The following ZMYM6 variants were observed in gnomAD, a reference collection of about 807,000 sequenced individuals.
ZMYM6 encodes the protein zinc finger MYM-type containing 6, also known as zinc finger MYM-type protein 6.
Under a neutral mutation model 134.0 loss-of-function variants are expected in ZMYM6, and 90 were observed. That is an observed-to-expected ratio of 0.67 (90% CI 0.57 to 0.80). The LOEUF is 0.80. ZMYM6 is among the 30% of genes least tolerant of loss of function. The pLI, the probability that ZMYM6 is intolerant of heterozygous loss-of-function variation, is 0.00. For synonymous variants in ZMYM6, 481 were observed against 524.1 expected (o/e 0.92, Z 1.12); for missense variants, 1,362 against 1,533.9 (o/e 0.89, Z 1.87).
chr1:34,988,372 C>G lies in ZMYM6; in HGVS notation c.2710G>C (p.Glu904Gln). The change falls in exon 16 of 16, where the codon GAG becomes CAG. Residue 904 changes from glutamate (E) to glutamine (Q), a missense_variant. By Grantham distance (29) the Glu-to-Gln change is conservative (BLOSUM62 2). Coordinates refer to ENST00000357182, the MANE Select transcript of ZMYM6 (RefSeq NM_007167.4). The stretch of plus-strand genomic sequence containing the variant: ...ATCTGAAGGGCAAACCACTTTGACT[C>G]TCTGACCTTTTGAATCAGCTGGTCT... ...IEDQLIQKVR[E>Q]SKWFALQIDE... is the part of the protein sequence containing the mutation. The G allele has an allele frequency of 6.4e-7, 1 of 1,551,648 alleles. No individual in the cohort carries two copies. Among genetic ancestry groups the G allele is most frequent in the Non-Finnish European group, 8.7e-7 (1 of 1,146,958 alleles).
chr1:34,988,840 A>T lies in ZMYM6; in HGVS notation c.2242T>A (p.Tyr748Asn). ...CAGATAATAAAACCAACTTTTAAAT[A>T]TTCTGTATCATAAGTCTGGAAAAAA... ...LGFFQTYDTE[Y>N]LKVGFIICPG... The change falls in exon 16 of 16, where the codon TAT becomes AAT. Residue 748 changes from tyrosine (Y) to asparagine (N), a missense_variant. Tyr to Asn is a moderately radical substitution (Grantham distance 143). This residue lies in a region of ZMYM6 where 824 missense variants were observed against 940.9 expected (regional missense o/e 0.88). Coordinates refer to ENST00000357182, the MANE Select transcript of ZMYM6 (RefSeq NM_007167.4). 1 of 1,586,202 alleles carries T rather than the reference A, an allele frequency of 6.3e-7. No individual in the cohort carries two copies. The highest frequency in any genetic ancestry group is 8.6e-7 in the Non-Finnish European group (1 of 1,163,676).
rs754307847 is a variant in ZMYM6 at position 35,019,604 on chromosome 1, T to A, written c.179-2A>T. The A allele has an allele frequency of 2.5e-6, 4 of 1,578,868 alleles. No individual in the cohort carries two copies. Among genetic ancestry groups the A allele is most frequent in the Non-Finnish European group, 3.4e-6 (4 of 1,169,886 alleles). ...GAAAGCCTGGGTTCAACTGCTGGGC[T>A]ATCAAAACAAAATAAAAAAAGTTTT... On this transcript the variant is annotated splice_acceptor_variant, in intron 3 of 15. Coordinates refer to ENST00000357182, the MANE Select transcript of ZMYM6 (RefSeq NM_007167.4). LOFTEE classifies it high-confidence loss of function.
intron 10 of ZMYM6, among the ~76,000 whole-genome samples, chr1:35,010,138 T>C (rs920888097): frequency 1.3e-5 from 2 of 152,038 alleles, no homozygotes; most frequent in African/African-American, 2.4e-5. Flanking sequence ...GGCTCCCAAG[T>C]AGCTGGGATT....
intron 2 of ZMYM6, among the ~76,000 whole-genome samples, chr1:35,024,650 T>TG (rs1381019346): frequency 6.6e-6 from 1 of 152,188 alleles, no homozygotes. Flanking sequence ...TTATTGTTGA[T>TG]ACTCAACTAT....
Position 35,012,785 on chromosome 1 carries a change from T to C in ZMYM6, c.796-204A>G, listed in dbSNP as rs1362807315. 4.1e-6 allele frequency: 4 copies of C among 985,188 alleles called. No homozygotes were observed. In the African/African-American group the frequency reaches 7.0e-5, roughly 17 times the overall value. The allele number at this position is 985,188 out of a possible 1,614,324, so 61.0% of individuals were successfully genotyped here. A position where few individuals can be genotyped will look rare whatever the true frequency, so the allele number is the denominator to read the frequency against. ...AGAAACTGAAGAAAATTAGTAACTATTCAGATAGAGATCTTAGCAAACAAA... is the reference window on the plus strand; with the variant it reads ...AGAAACTGAAGAAAATTAGTAACTACTCAGATAGAGATCTTAGCAAACAAA... On this transcript the variant is annotated intron_variant, in intron 6 of 15. Coordinates refer to ENST00000357182, the MANE Select transcript of ZMYM6 (RefSeq NM_007167.4).
intron 2 of ZMYM6, among the ~76,000 whole-genome samples, chr1:35,028,568 T>C (rs1641458252): frequency 6.6e-6 from 1 of 151,140 alleles, no homozygotes; most frequent in Non-Finnish European, 1.5e-5. Context: ...GGCGCAATCT[T>C]GGCTCACTGC....
chr1:34,988,994 G>A (rs1640620109), intron 15 of ZMYM6, 59 bp from the exon 16 acceptor site: 3 of 1,558,554 alleles, frequency 1.9e-6, no homozygotes, highest in East Asian at 2.3e-5. Context: ...TGTTCTTTAT[G>A]TATCTCCCCA....
intron 2 of ZMYM6, among the ~76,000 whole-genome samples, chr1:35,026,900 G>T (rs1406195509): frequency 6.6e-6 from 1 of 152,168 alleles, no homozygotes; most frequent in Non-Finnish European, 1.5e-5. Context: ...CTGCAGTCTA[G>T]TGTGTCAATG....
chr1:35,030,645 T>G lies in ZMYM6; in HGVS notation c.-6A>C, dbSNP rs752240884. ...CCATCCAAAGGTTCTTTCATTCTAA[T>G]TTTTTACCTCAAAGAGTGTCTCAGG... On this transcript the variant is annotated 5_prime_UTR_variant, in exon 2 of 16. Coordinates refer to ENST00000357182, the MANE Select transcript of ZMYM6 (RefSeq NM_007167.4). The G allele has an allele frequency of 6.2e-7, 1 of 1,611,200 alleles. No homozygotes were observed. Among genetic ancestry groups the G allele is most frequent in the Non-Finnish European group, 8.5e-7 (1 of 1,179,460 alleles).
rs1406291248 is a variant in ZMYM6 at position 35,019,612 on chromosome 1, C to T, written c.179-10G>A. 3 of 1,569,946 alleles carry T rather than the reference C, an allele frequency of 1.9e-6. No individual in the cohort carries two copies. Among genetic ancestry groups the T allele is most frequent in the South Asian group, 2.4e-5 (2 of 82,652 alleles). On this transcript the variant is annotated splice_polypyrimidine_tract_variant and intron_variant, in intron 3 of 15. Transcript: ENST00000357182. ...GGGTTCAACTGCTGGGCTATCAAAA[C>T]AAAATAAAAAAAGTTTTAGTATCAA...
chr1:35,026,715 T>C (rs1478268617), intron 2 of ZMYM6, among the ~76,000 whole-genome samples: 1 of 152,238 alleles, frequency 6.6e-6, no homozygotes, highest in Admixed American at 6.5e-5. Context: ...AACAAACTGT[T>C]GTATCCCAGT....
At chr1:35,015,743 AATATAT>A (rs35800399) in intron 4 of ZMYM6, among the ~76,000 whole-genome samples, 8 of 106,466 alleles carry the variant, frequency 7.5e-5, no homozygotes, top group African/African-American at 5.3e-4. Flanking sequence ...AAAAAAAAAA[AATATAT>A]ATATATATAT....
In ZMYM6 at chr1:35,012,006, C is replaced by T; in HGVS notation, c.947-1G>A. 1 of 1,576,400 alleles carries T rather than the reference C, an allele frequency of 6.3e-7. No homozygotes were observed. Among genetic ancestry groups the T allele is most frequent in the Admixed American group, 1.8e-5 (1 of 56,854 alleles). Reference sequence around the variant, plus strand: ...CAACTATGACATGAAACCTGGACACCTTGGTGACAAAAAATTAAAAACAAT... The same window carrying T: ...CAACTATGACATGAAACCTGGACACTTTGGTGACAAAAAATTAAAAACAAT... On this transcript the variant is annotated splice_acceptor_variant, in intron 7 of 15. Transcript: ENST00000357182. LOFTEE classifies it high-confidence loss of function.
chr1:35,005,266 A>G lies in ZMYM6; in HGVS notation c.1820T>C (p.Ile607Thr), dbSNP rs779043396. 4.3e-6 allele frequency: 7 copies of G among 1,613,922 alleles called. No homozygotes were observed. The East Asian group carries it at 1.1e-4, about 26-fold the overall frequency. Reference sequence around the variant, plus strand: ...CGTCACAGCAGTTTTTGCTTTAGAAATATTTACTGATTAAAATAAAAAGTT... The same window carrying G: ...CGTCACAGCAGTTTTTGCTTTAGAAGTATTTACTGATTAAAATAAAAAGTT... ...NDCLPQNKVN[I>T]SKAKTAVTEL... Residue 607 changes from isoleucine (I) to threonine (T), a missense_variant, in exon 13 of 16, where the codon ATT (isoleucine) becomes ACT (threonine). Transcript: ENST00000357182.
chr1:35,005,241 C>T lies in ZMYM6; in HGVS notation c.1845G>A (p.Thr615=), dbSNP rs374839688. ...VNISKAKTAV[T]ELPSARTDTT... ...TATCTGTCCTTGCAGAAGGGAGCTC[C>T]GTCACAGCAGTTTTTGCTTTAGAAA... is the stretch of plus-strand genomic sequence containing the variant. Residue 615 remains threonine, a synonymous_variant, in exon 13 of 16, where the codon ACG becomes ACA. Transcript: ENST00000357182. The T allele has an allele frequency of 1.8e-5, 29 of 1,613,930 alleles. No individual in the cohort carries two copies. Among genetic ancestry groups the T allele is most frequent in the East Asian group, 1.3e-4 (6 of 44,884 alleles).
At chr1:35,023,395 C>A (rs561102814) in intron 2 of ZMYM6, among the ~76,000 whole-genome samples, 18 of 152,300 alleles carry the variant, frequency 1.2e-4, no homozygotes, top group African/African-American at 3.9e-4. Context: ...GCGTGAGCCA[C>A]TGCACCTGGC....
intron 12 of ZMYM6, among the ~76,000 whole-genome samples, chr1:35,005,629 CAAA>C (rs1182722333): frequency 3.4e-5 from 2 of 59,290 alleles, no homozygotes; most frequent in Non-Finnish European, 8.2e-5. Context: ...AACCTAGTCT[CAAA>C]AAAAAAAAAA....
chr1:35,015,703 A>G (rs1641169675), intron 4 of ZMYM6, among the ~76,000 whole-genome samples: 1 of 141,264 alleles, frequency 7.1e-6, no homozygotes, highest in Non-Finnish European at 1.5e-5. Flanking sequence ...CAGCCTTGGC[A>G]ACAGAGCTAG....
intron 2 of ZMYM6, among the ~76,000 whole-genome samples, chr1:35,025,093 A>C (rs1167256001): frequency 2.0e-5 from 3 of 149,202 alleles, no homozygotes; most frequent in African/African-American, 2.5e-5. Context: ...CTGGTCTTGA[A>C]CTCCTGACCT....
Sources: gnomAD v4.1 joint callset for allele counts (sites outside exome capture counted in the v4.1 genomes callset) on GRCh38, gnomAD v4.1.1 for gene constraint, gnomAD v4.1.1 regional missense constraint, MANE v1.5 for transcripts, NCBI Gene and HGNC (gene_info 2026-07-23, HGNC 2026-07-21) for gene names.